SH3BP4: variants seen among roughly 807,000 people sequenced by gnomAD.
SH3BP4 encodes SH3 domain-binding protein 4.
Under a neutral mutation model 65.5 loss-of-function variants are expected in SH3BP4, and 33 were observed. The observed-to-expected ratio is 0.50, with a 90% CI of 0.38 to 0.67. The LOEUF (loss-of-function observed/expected upper bound fraction) is 0.67, where lower values mean the gene tolerates loss of function less well. SH3BP4 is among the 30% of genes least tolerant of loss of function. The pLI, the probability that SH3BP4 is intolerant of heterozygous loss-of-function variation, is 0.00. For synonymous variants in SH3BP4, 552 were observed against 545.5 expected, an observed-to-expected ratio of 1.01 and a Z score of -0.17; for missense variants, 1,134 against 1,261.4, an observed-to-expected ratio of 0.90 and a Z score of 1.53.
intron 2 of SH3BP4, among the ~76,000 whole-genome samples, chr2:235,003,891 T>A (rs888702533): frequency 6.6e-6 from 1 of 152,330 alleles, no homozygotes; most frequent in East Asian, 1.9e-4. Context: ...CTTAGCTGGT[T>A]TGAGTTGGGT....
chr2:235,031,835 G>A (rs980768022), intron 2 of SH3BP4, among the ~76,000 whole-genome samples: 9 of 152,254 alleles, frequency 5.9e-5, no homozygotes, highest in Non-Finnish European at 5.9e-5. Flanking sequence ...CAGGGCTGGC[G>A]ATGCCCTGAG....
intron 2 of SH3BP4, among the ~76,000 whole-genome samples, chr2:235,029,454 G>A (rs1458665184): frequency 1.3e-5 from 2 of 152,212 alleles, no homozygotes; most frequent in African/African-American, 2.4e-5. Context: ...ATGCAGCCAT[G>A]TCCACCTGTG....
At position 235,027,623 on chromosome 2, in the gene SH3BP4, C is replaced by T. The variant is rs551972404; in HGVS notation, c.-132-7248C>T. ...AATCTGATGAAATCAACATGATACT[C>T]CAGAAATTATCATCAAACATGGAGA... On this transcript the variant is annotated intron_variant, in intron 2 of 5. Coordinates refer to ENST00000392011, the MANE Select transcript of SH3BP4 (RefSeq NM_014521.3). Among the ~76,000 whole-genome samples, 3 of 152,306 alleles carry T rather than the reference C, an allele frequency of 2.0e-5. No individual in the cohort carries two copies. In the South Asian group the frequency reaches 6.2e-4, roughly 32 times the overall value.
chr2:235,011,887 T>A (rs1050299998), intron 2 of SH3BP4, among the ~76,000 whole-genome samples: 2 of 152,224 alleles, frequency 1.3e-5, no homozygotes, highest in Admixed American at 6.5e-5. Flanking sequence ...TTAGTGTCCG[T>A]TGAGCGGTTG....
chr2:235,038,638 G>A (rs933918249), intron 3 of SH3BP4, among the ~76,000 whole-genome samples: 1 of 151,548 alleles, frequency 6.6e-6, no homozygotes, highest in Non-Finnish European at 1.5e-5. Context: ...ACAAGAAAAA[G>A]CATAAGCAAG....
Position 234,956,616 on chromosome 2 carries a change from C to G in SH3BP4, c.-207+4446C>G, listed in dbSNP as rs1692591893. Among the ~76,000 whole-genome samples, 18 of 149,466 alleles carry G rather than the reference C, an allele frequency of 1.2e-4. 1 individual carries two copies. The highest frequency in any genetic ancestry group is 1.2e-3 in the Admixed American group (18 of 15,018). On this transcript the variant is annotated intron_variant, in intron 1 of 5. Coordinates refer to ENST00000392011, the MANE Select transcript of SH3BP4 (RefSeq NM_014521.3). ...TTGCCCAGGCTGGAGTGCAGTGGCT[C>G]AATCATAGCTCACTGCAGCCTTCAA...
chr2:234,989,016 G>A (rs776968647), intron 1 of SH3BP4, among the ~76,000 whole-genome samples: 23 of 152,326 alleles, frequency 1.5e-4, no homozygotes, highest in Non-Finnish European at 2.8e-4. Flanking sequence ...CGTTGTCAGT[G>A]TGTAAGTTTT....
At chr2:234,956,899 C>A (rs1025880750) in intron 1 of SH3BP4, among the ~76,000 whole-genome samples, 17 of 152,090 alleles carry the variant, frequency 1.1e-4, no homozygotes, top group Admixed American at 9.8e-4. Flanking sequence ...CTTTTCTAGC[C>A]CCTCCAATGT....
intron 2 of SH3BP4, among the ~76,000 whole-genome samples, chr2:235,007,925 G>A (rs957855069): frequency 1.3e-5 from 2 of 152,202 alleles, no homozygotes; most frequent in African/African-American, 2.4e-5. Context: ...GAGGTTGGAC[G>A]TCAAGGGCAG....
At position 235,030,910 on chromosome 2, in the gene SH3BP4, G is replaced by A. The variant is rs2106320580; in HGVS notation, c.-132-3961G>A. On this transcript the variant is annotated intron_variant, in intron 2 of 5. Transcript: ENST00000392011. The surrounding 1 kb of genome is among the most constrained non-coding windows in gnomAD (Gnocchi z 4.1). ...TGCCCTCTTTCTGTACTGTAAAAAC[G>A]GCCCCAAGGGTGCGGACAGGGGGCA... Among the ~76,000 whole-genome samples the A allele has an allele frequency of 6.6e-6, 1 of 152,218 alleles. No individual in the cohort carries two copies. Among genetic ancestry groups the A allele is most frequent in the East Asian group, 1.9e-4 (1 of 5,180 alleles).
intron 1 of SH3BP4, among the ~76,000 whole-genome samples, chr2:234,956,235 C>T (rs752916421): frequency 1.3e-5 from 2 of 152,172 alleles, no homozygotes; most frequent in Non-Finnish European, 2.9e-5. Flanking sequence ...TGGGATAACC[C>T]AGGATTTGGT....
chr2:235,006,626 G>C (rs2106289860), intron 2 of SH3BP4, among the ~76,000 whole-genome samples: 1 of 152,248 alleles, frequency 6.6e-6, no homozygotes. Flanking sequence ...GCTCTGCTTT[G>C]CCAGGGGCCA....
chr2:234,963,499 C>G (rs1692762236), intron 1 of SH3BP4, among the ~76,000 whole-genome samples: 2 of 152,214 alleles, frequency 1.3e-5, no homozygotes. Context: ...TTCTGTTTCT[C>G]CAGATCCTGA....
At chr2:235,031,719 T>G (rs1364659215) in intron 2 of SH3BP4, among the ~76,000 whole-genome samples, 2 of 152,214 alleles carry the variant, frequency 1.3e-5, no homozygotes, top group African/African-American at 4.8e-5. Context: ...TCCTTCTCAC[T>G]GAACACTCAC....
At chr2:234,955,347 C>G (rs1026019897) in intron 1 of SH3BP4, among the ~76,000 whole-genome samples, 21 of 152,162 alleles carry the variant, frequency 1.4e-4, no homozygotes, top group Non-Finnish European at 2.8e-4. Context: ...GCCTCACATT[C>G]TGCCACCACC....
intron 1 of SH3BP4, among the ~76,000 whole-genome samples, chr2:234,982,592 C>T (rs113456925): frequency 1.4e-3 from 213 of 152,202 alleles, no homozygotes; most frequent in African/African-American, 4.7e-3. Context: ...GGGCTATCCC[C>T]GAGACCTGGG....
chr2:234,974,129 G>T lies in SH3BP4; in HGVS notation c.-206-21174G>T, dbSNP rs375229640. Among the ~76,000 whole-genome samples the T allele has an allele frequency of 1.3e-5, 2 of 152,070 alleles. No homozygotes were observed. Among genetic ancestry groups the T allele is most frequent in the African/African-American group, 4.8e-5 (2 of 41,432 alleles). The stretch of plus-strand genomic sequence containing the variant: ...CCCTGTAATCCCAGCACTTTGGGAG[G>T]CCGAGGCAGGTGGATCACCTGAGGT... On this transcript the variant is annotated intron_variant, in intron 1 of 5. Coordinates refer to ENST00000392011, the MANE Select transcript of SH3BP4 (RefSeq NM_014521.3). This position sits in a 1 kb window ranked among gnomAD's most constrained non-coding sequence, Gnocchi z 4.6.
chr2:234,960,967 C>G (rs949176130), intron 1 of SH3BP4, among the ~76,000 whole-genome samples: 1 of 152,162 alleles, frequency 6.6e-6, no homozygotes, highest in African/African-American at 2.4e-5. Context: ...ATGAGAAGTT[C>G]CTTTTTCCAG....
At chr2:234,973,060 A>G (rs1215195339) in intron 1 of SH3BP4, among the ~76,000 whole-genome samples, 2 of 152,246 alleles carry the variant, frequency 1.3e-5, no homozygotes, top group South Asian at 2.1e-4. Context: ...CATGTGTATC[A>G]TAGAAGATGT....
Sources: gnomAD v4.1 joint callset for allele counts (sites outside exome capture counted in the v4.1 genomes callset) on GRCh38, gnomAD v4.1.1 for gene constraint, Gnocchi (gnomAD v3.1) non-coding constraint, MANE v1.5 for transcripts, NCBI Gene and HGNC (gene_info 2026-07-23, HGNC 2026-07-21) for gene names.